Variants in CD109 observed in about 807,000 individuals in gnomAD.
CD109 encodes the protein CD109 molecule.
A neutral mutation model predicts 165.8 loss-of-function variants in CD109; 149 were observed. That is an observed-to-expected ratio of 0.90 (90% CI 0.79 to 1.03). CD109 has a LOEUF of 1.03. Among genes scored for constraint, CD109 ranks in the 50% least tolerant of loss-of-function variants. The pLI is 0.00. For missense variants in CD109, 1,712 were observed against 1,677.8 expected, an observed-to-expected ratio of 1.02 and a Z score of -0.36; for synonymous variants, 585 against 592.1, an observed-to-expected ratio of 0.99 and a Z score of 0.18.
chr6:73,720,495 G>C (rs7764475), intron 2 of CD109, among the ~76,000 whole-genome samples: 69,522 of 151,894 alleles, frequency 0.46, 16,168 homozygotes, highest in East Asian at 0.61. Flanking sequence ...GCTTAGAGTA[G>C]ATTTTAATTG....
At position 73,792,784 on chromosome 6, in the gene CD109, C is replaced by CT. The variant is rs1194015334; in HGVS notation, c.2863dup (p.Ser955PhefsTer27). The CT allele has an allele frequency of 1.9e-6, 3 of 1,608,886 alleles. No individual in the cohort carries two copies. Among genetic ancestry groups the CT allele is most frequent in the Non-Finnish European group, 2.5e-6 (3 of 1,179,336 alleles). The stretch of plus-strand genomic sequence containing the variant: ...GACAGATAATTTGAAAGAAAAAGCT[C>CT]TTTCATTTATGAGGCAAGGTAAGCA... On this transcript the variant is annotated frameshift_variant, in exon 23 of 33. Coordinates refer to ENST00000287097, the MANE Select transcript of CD109 (RefSeq NM_133493.5). LOFTEE classifies it high-confidence loss of function.
At chr6:73,687,140 C>G in the CD109 span, among the ~76,000 whole-genome samples, 39 of 152,292 alleles carry the variant, frequency 2.6e-4, no homozygotes, top group African/African-American at 9.1e-4. Flanking sequence ...TGGTGCTATT[C>G]TAACATTAAT....
chr6:73,770,557 C>T lies in CD109; in HGVS notation c.1675-872C>T, dbSNP rs1312766536. On this transcript the variant is annotated intron_variant, in intron 14 of 32. Coordinates refer to ENST00000287097, the MANE Select transcript of CD109 (RefSeq NM_133493.5). ...GTCAGGAGTTGGAGACCAGCCTGGC[C>T]AACATGGTGAAACCCTGTCTCTACT... is the stretch of plus-strand genomic sequence containing the variant. 2.0e-5 allele frequency among the ~76,000 whole-genome samples: 3 copies of T among 152,000 alleles called. No individual in the cohort carries two copies. In the East Asian group the frequency reaches 5.8e-4, roughly 29 times the overall value.
At position 73,726,332 on chromosome 6, in the gene CD109, A is replaced by C. The variant is rs1013937501; in HGVS notation, c.276+3053A>C. 3.9e-5 allele frequency among the ~76,000 whole-genome samples: 6 copies of C among 152,322 alleles called. No homozygotes were observed. In the East Asian group the frequency reaches 1.2e-3, roughly 29 times the overall value. ...AAAAAACATAAATTGAGACAATATAAATATTGTTTTGTACACAATATGGCA... is the reference window on the plus strand; with the variant it reads ...AAAAAACATAAATTGAGACAATATACATATTGTTTTGTACACAATATGGCA... On this transcript the variant is annotated intron_variant, in intron 3 of 32. Transcript: ENST00000287097.
chr6:73,778,505 G>C lies in CD109; in HGVS notation c.1828-1919G>C, dbSNP rs527705525. 3.9e-5 allele frequency among the ~76,000 whole-genome samples: 6 copies of C among 152,290 alleles called. No individual in the cohort carries two copies. In the East Asian group the frequency reaches 1.2e-3, roughly 29 times the overall value. ...TGCTGATAACCACTGTTTAGATGCT[G>C]CTTCTTGAATTGGTGTCTGAGCAAG... is the stretch of plus-strand genomic sequence containing the variant. On this transcript the variant is annotated intron_variant, in intron 15 of 32. Coordinates refer to ENST00000287097, the MANE Select transcript of CD109 (RefSeq NM_133493.5).
chr6:73,755,569 A>T (rs940283355), intron 5 of CD109, among the ~76,000 whole-genome samples: 4 of 152,120 alleles, frequency 2.6e-5, no homozygotes, highest in African/African-American at 7.2e-5. Context: ...TAAATTTGGG[A>T]ATTAAATTTA....
At chr6:73,754,594 C>T (rs1562047858) in intron 5 of CD109, among the ~76,000 whole-genome samples, 1 of 152,126 alleles carries the variant, frequency 6.6e-6, no homozygotes, top group Non-Finnish European at 1.5e-5. Context: ...TTAAAGTAGG[C>T]TCAAATAAGT....
Position 73,821,470 on chromosome 6 carries a change from C to T in CD109, c.4162+907C>T, listed in dbSNP as rs546549999. Among the ~76,000 whole-genome samples, 296 of 152,258 alleles carry T rather than the reference C, an allele frequency of 1.9e-3. 3 individuals are homozygous for T. Among genetic ancestry groups the T allele is most frequent in the Non-Finnish European group, 1.6e-3 (106 of 68,030 alleles). On this transcript the variant is annotated intron_variant, in intron 32 of 32. Coordinates refer to ENST00000287097, the MANE Select transcript of CD109 (RefSeq NM_133493.5). ...ACAATAGCAAAGACAGGTCATCGAC[C>T]TAGGTGCCCATCAACTGTGAATTGG...
At position 73,825,552 on chromosome 6, in the gene CD109, G is replaced by A. The variant is rs1776244807; in HGVS notation, c.*1919G>A. The A allele has an allele frequency of 2.6e-5, 4 of 152,318 alleles. No homozygotes were observed. Among genetic ancestry groups the A allele is most frequent in the South Asian group, 4.1e-4 (2 of 4,828 alleles). The allele number at this position is 152,318 out of a possible 1,614,324, so 9.4% of individuals were successfully genotyped here. A position where few individuals can be genotyped will look rare whatever the true frequency, so the allele number is the denominator to read the frequency against. On this transcript the variant is annotated 3_prime_UTR_variant, in exon 33 of 33. Coordinates refer to ENST00000287097, the MANE Select transcript of CD109 (RefSeq NM_133493.5). ...ATATAATTTATAGTTAACTTCTAGT[G>A]TAATATATTAGGAAACACTAGAATG...
chr6:73,820,537 T>C lies in CD109; in HGVS notation c.4136T>C (p.Val1379Ala). ...GTTTCAAATACCCAAGATGCTTCAG[T>C]GTCCATAGTGGATTACTATGAGCCA... ...FKVSNTQDAS[V>A]SIVDYYEPRR... is the part of the protein sequence containing the mutation. Residue 1379 changes from valine to alanine, a missense_variant, in exon 32 of 33, where the codon GTG becomes GCG. Transcript: ENST00000287097. 1 of 1,608,138 alleles carries C rather than the reference T, an allele frequency of 6.2e-7. No individual in the cohort carries two copies. The highest frequency in any genetic ancestry group is 8.5e-7 in the Non-Finnish European group (1 of 1,175,158).
At chr6:73,695,943 G>C, upstream of CD109, 1 of 444,530 alleles carries the variant, frequency 2.2e-6, no homozygotes, top group East Asian at 5.2e-5. Context: ...GCCAGGTGGG[G>C]CCGCCTGCGT....
chr6:73,741,374 C>T (rs906871941), intron 5 of CD109, among the ~76,000 whole-genome samples: 7 of 152,162 alleles, frequency 4.6e-5, no homozygotes, highest in Non-Finnish European at 1.0e-4. Flanking sequence ...TTGTCTAGAG[C>T]ACCAAGCCCT....
At chr6:73,781,740 T>C (rs1354042737) in intron 17 of CD109, among the ~76,000 whole-genome samples, 2 of 146,440 alleles carry the variant, frequency 1.4e-5, no homozygotes, top group Admixed American at 7.0e-5. Flanking sequence ...TGCCATAAAG[T>C]ATTCTGGTAC....
At chr6:73,697,705 C>T (rs1388489425) in intron 2 of CD109, 133 bp downstream of exon 2, 7 of 659,424 alleles carry the variant, frequency 1.1e-5, no homozygotes, top group Non-Finnish European at 1.7e-5. Flanking sequence ...TTAATTCTCA[C>T]TCATGTAAAG....
chr6:73,756,272 T>C (rs888499018), intron 5 of CD109, among the ~76,000 whole-genome samples: 3 of 152,244 alleles, frequency 2.0e-5, no homozygotes, highest in Non-Finnish European at 4.4e-5. Flanking sequence ...TGCAGTTATT[T>C]GTTAGTTTGA....
chr6:73,692,867 A>C (rs1456667778), upstream of CD109, among the ~76,000 whole-genome samples: 3 of 152,144 alleles, frequency 2.0e-5, no homozygotes, highest in Non-Finnish European at 2.9e-5. Context: ...TTCCACCATA[A>C]TTGTGAGGCC....
intron 23 of CD109, among the ~76,000 whole-genome samples, chr6:73,799,764 A>G (rs922330547): frequency 6.6e-6 from 1 of 152,162 alleles, no homozygotes; most frequent in African/African-American, 2.4e-5. Context: ...CAAATATACC[A>G]GTAACCTACT....
chr6:73,788,378 CAGGTCAGATG>C, intron 21 of CD109, 80 bp from the exon 22 acceptor site: 1 of 1,112,120 alleles, frequency 9.0e-7, no homozygotes, highest in South Asian at 1.8e-5. Context: ...TCAGACACAA[CAGGTCAGATG>C]TTTGTGCTCA....
At chr6:73,803,328 T>C (rs1341754783) in intron 24 of CD109, 27 bp downstream of exon 24, 1 of 1,570,038 alleles carries the variant, frequency 6.4e-7, no homozygotes. Context: ...ACTGAACAAA[T>C]CCGTGTCATG....
Sources: allele counts gnomAD v4.1 joint callset (sites outside exome capture counted in the v4.1 genomes callset), GRCh38; gene constraint gnomAD v4.1.1; transcripts MANE v1.5; gene names NCBI Gene and HGNC (gene_info 2026-07-23, HGNC 2026-07-21).